Variants in MCPH1 observed in about 807,000 individuals in gnomAD.
MCPH1 encodes microcephalin.
A neutral mutation model predicts 84.5 loss-of-function variants in MCPH1; 104 were observed. The observed-to-expected ratio is 1.23, with a 90% CI of 1.05 to 1.45. The LOEUF (loss-of-function observed/expected upper bound fraction) is 1.45, where lower values mean the gene tolerates loss of function less well. MCPH1 is among the 40% of genes most tolerant of loss of function. The pLI, the probability that MCPH1 is intolerant of heterozygous loss-of-function variation, is 0.00. For synonymous variants in MCPH1, 514 were observed against 366.8 expected, an observed-to-expected ratio of 1.40 and a Z score of -4.58; for missense variants, 1,498 against 1,005.7, an observed-to-expected ratio of 1.49 and a Z score of -6.62.
chr8:6,441,724 G>T (rs547157305), intron 6 of MCPH1, among the ~76,000 whole-genome samples: 1 of 152,260 alleles, frequency 6.6e-6, no homozygotes, highest in East Asian at 1.9e-4. Context: ...CCTCACTGGC[G>T]ATATCCAAAA....
At chr8:6,457,382 C>T (rs2920667) in intron 9 of MCPH1, among the ~76,000 whole-genome samples, 2 of 151,606 alleles carry the variant, frequency 1.3e-5, no homozygotes, top group Non-Finnish European at 2.9e-5. Context: ...GTCAGGAGTT[C>T]GAGACCAGCC....
intron 9 of MCPH1, among the ~76,000 whole-genome samples, chr8:6,465,905 C>G (rs564504469): frequency 4.1e-5 from 6 of 146,792 alleles, no homozygotes; most frequent in Admixed American, 6.9e-5. Context: ...TAATTATTTC[C>G]TACTCAATTT....
chr8:6,438,103 A>G (rs924105312), intron 5 of MCPH1, among the ~76,000 whole-genome samples: 2 of 152,204 alleles, frequency 1.3e-5, no homozygotes, highest in African/African-American at 4.8e-5. Flanking sequence ...GCAATATTGC[A>G]CACTCTCCTA....
chr8:6,600,452 T>C (rs1008509740), intron 12 of MCPH1, among the ~76,000 whole-genome samples: 2 of 152,200 alleles, frequency 1.3e-5, no homozygotes, highest in Non-Finnish European at 2.9e-5. Context: ...TTCAGATACA[T>C]TTACCATTGC....
At chr8:6,615,014 A>G (rs1477731642) in intron 12 of MCPH1, among the ~76,000 whole-genome samples, 3 of 152,286 alleles carry the variant, frequency 2.0e-5, no homozygotes, top group South Asian at 2.1e-4. Context: ...TCAGGTTTCT[A>G]AGGTCCCCAG....
At chr8:6,570,803 GT>G (rs10548398) in intron 12 of MCPH1, among the ~76,000 whole-genome samples, 68,778 of 108,286 alleles carry the variant, frequency 0.64, 22,178 homozygotes, top group East Asian at 0.77. Flanking sequence ...ATGGATTGTT[GT>G]TTTTTTTTTT....
intron 12 of MCPH1, chr8:6,521,312 T>C (rs1817294770): frequency 6.2e-7 from 1 of 1,613,882 alleles, no homozygotes; most frequent in East Asian, 2.2e-5. Context: ...GGAATTTTGC[T>C]TGGATACTAA....
intron 12 of MCPH1, among the ~76,000 whole-genome samples, chr8:6,604,592 C>T (rs1829613077): frequency 6.6e-6 from 1 of 152,228 alleles, no homozygotes; most frequent in Non-Finnish European, 1.5e-5. Flanking sequence ...GCAATCTCTG[C>T]CTTTCAGGCT....
chr8:6,505,889 AT>A (rs1362526016), intron 12 of MCPH1, among the ~76,000 whole-genome samples: 2 of 120,186 alleles, frequency 1.7e-5, no homozygotes, highest in East Asian at 4.3e-4. Context: ...ATATATGTAT[AT>A]ATAAAAACAT....
At chr8:6,525,965 A>T (rs1818248132) in intron 12 of MCPH1, among the ~76,000 whole-genome samples, 1 of 152,156 alleles carries the variant, frequency 6.6e-6, no homozygotes, top group South Asian at 2.1e-4. Flanking sequence ...CCAAGTGGGG[A>T]AACAGTATTC....
chr8:6,479,236 C>G (rs1808866411), intron 10 of MCPH1, among the ~76,000 whole-genome samples: 1 of 151,754 alleles, frequency 6.6e-6, no homozygotes, highest in Non-Finnish European at 1.5e-5. Context: ...CACTGCACTC[C>G]AGCCTGGGCA....
At chr8:6,508,644 C>T (rs1475827744) in intron 12 of MCPH1, 7 of 576,236 alleles carry the variant, frequency 1.2e-5, no homozygotes, top group South Asian at 2.4e-5. Flanking sequence ...CCAGCAAGCA[C>T]AAACGCAGGA....
At chr8:6,512,741 G>A (rs1483922028) in intron 12 of MCPH1, among the ~76,000 whole-genome samples, 1 of 152,172 alleles carries the variant, frequency 6.6e-6, no homozygotes, top group Non-Finnish European at 1.5e-5. Flanking sequence ...TGGCATTTTA[G>A]AGGCAGAAAG....
intron 12 of MCPH1, among the ~76,000 whole-genome samples, chr8:6,610,927 G>T (rs1297322769): frequency 6.6e-6 from 1 of 151,972 alleles, no homozygotes. Context: ...CTTTTGAACT[G>T]CAAATTTAGC....
intron 12 of MCPH1, among the ~76,000 whole-genome samples, chr8:6,524,732 G>A (rs746885110): frequency 1.1e-4 from 16 of 152,352 alleles, no homozygotes; most frequent in Non-Finnish European, 5.9e-5. Flanking sequence ...ACAAGGCTAT[G>A]AATGTCTCCC....
intron 13 of MCPH1, among the ~76,000 whole-genome samples, chr8:6,628,122 T>C (rs1269324802): frequency 3.9e-5 from 6 of 152,222 alleles, no homozygotes; most frequent in Middle Eastern, 3.4e-3. Context: ...GTTAAACTTA[T>C]GCCAACAGAA....
chr8:6,587,357 T>C (rs1828079399), intron 12 of MCPH1, among the ~76,000 whole-genome samples: 1 of 152,170 alleles, frequency 6.6e-6, no homozygotes, highest in South Asian at 2.1e-4. Context: ...TTTTGTCTTA[T>C]TTCAGCTCAT....
chr8:6,435,779 T>C (rs1802556629), intron 4 of MCPH1, among the ~76,000 whole-genome samples: 1 of 152,180 alleles, frequency 6.6e-6, no homozygotes, highest in African/African-American at 2.4e-5. Context: ...CTAAAAACTT[T>C]CATGGAAACT....
intron 12 of MCPH1, among the ~76,000 whole-genome samples, chr8:6,565,323 G>T (rs1333843461): frequency 6.6e-6 from 1 of 151,824 alleles, no homozygotes; most frequent in Non-Finnish European, 1.5e-5. Flanking sequence ...GCTATTCTCT[G>T]AATGCAAAGC....
Sources: gnomAD v4.1 joint callset for allele counts (sites outside exome capture counted in the v4.1 genomes callset) on GRCh38, gnomAD v4.1.1 for gene constraint, MANE v1.5 for transcripts, NCBI Gene and HGNC (gene_info 2026-07-23, HGNC 2026-07-21) for gene names.